Variants in FBXO34 observed in about 807,000 individuals in gnomAD.
FBXO34 encodes the protein F-box only protein 34.
FBXO34 carries 12 observed loss-of-function variants against 24.5 expected under a neutral mutation model. That is an observed-to-expected ratio of 0.49 (90% confidence interval 0.31 to 0.79). The LOEUF (loss-of-function observed/expected upper bound fraction) is 0.79, where lower values mean the gene tolerates loss of function less well. Ranked by LOEUF, FBXO34 falls within the 30% of genes least tolerant of loss-of-function variation. The probability of loss-of-function intolerance (pLI) is 0.04; values close to 1 mark genes in which losing one functional copy is unlikely to be tolerated. For missense variants in FBXO34, 823 were observed against 857.7 expected (o/e 0.96, Z 0.51); for synonymous variants, 320 against 311.9 (o/e 1.03, Z -0.27).
At chr14:55,441,089 AC>A in the FBXO34 span, among the ~76,000 whole-genome samples, 1 of 151,768 alleles carries the variant, frequency 6.6e-6, no homozygotes, top group African/African-American at 2.4e-5. Flanking sequence ...CAGGTGATCC[AC>A]CCGCCTCGGC....
intron 1 of FBXO34, among the ~76,000 whole-genome samples, chr14:55,277,138 C>T (rs972473148): frequency 1.3e-5 from 2 of 152,212 alleles, no homozygotes; most frequent in Non-Finnish European, 2.9e-5. Flanking sequence ...AAGTTCCTTC[C>T]TGCACCTTCT....
chr14:55,323,270 T>C (rs1883227914), intron 1 of FBXO34, among the ~76,000 whole-genome samples: 1 of 136,990 alleles, frequency 7.3e-6, no homozygotes, highest in Non-Finnish European at 1.5e-5. Context: ...CTCACTTATG[T>C]TGCCCAAGCT....
At chr14:55,433,606 G>C in the FBXO34 span, 3 of 1,591,978 alleles carry the variant, frequency 1.9e-6, no homozygotes, top group African/African-American at 4.0e-5. Context: ...TCTCTGGTAG[G>C]GGTGGAGGGA....
chr14:55,420,885 C>CCG, the FBXO34 span, among the ~76,000 whole-genome samples: 6 of 151,748 alleles, frequency 4.0e-5, no homozygotes, highest in Non-Finnish European at 7.4e-5. Flanking sequence ...CGGTGAAACC[C>CCG]CGTCTCTACT....
At chr14:55,319,780 A>G (rs1470076540) in intron 1 of FBXO34, among the ~76,000 whole-genome samples, 1 of 152,104 alleles carries the variant, frequency 6.6e-6, no homozygotes, top group Non-Finnish European at 1.5e-5. Context: ...GGTTTACGCC[A>G]TTCTCCTGCC....
At chr14:55,394,075 C>T in the FBXO34 span, among the ~76,000 whole-genome samples, 1 of 149,494 alleles carries the variant, frequency 6.7e-6, no homozygotes, top group Non-Finnish European at 1.5e-5. Context: ...GGCGCAATCT[C>T]GGCTCACTGT....
chr14:55,308,116 C>T (rs1225277468), intron 1 of FBXO34, among the ~76,000 whole-genome samples: 3 of 152,186 alleles, frequency 2.0e-5, no homozygotes, highest in Non-Finnish European at 4.4e-5. Flanking sequence ...ACCTCATTCA[C>T]CTGCTATGAT....
chr14:55,382,298 G>T, the FBXO34 span: 1 of 873,380 alleles, frequency 1.1e-6, no homozygotes, highest in Non-Finnish European at 1.8e-6. Flanking sequence ...TATGAGCACA[G>T]AAATTTTACA....
the FBXO34 span, among the ~76,000 whole-genome samples, chr14:55,381,150 C>T: frequency 1.3e-5 from 2 of 152,154 alleles, no homozygotes; most frequent in Non-Finnish European, 2.9e-5. Flanking sequence ...CATTTACTTG[C>T]TTCCTACCTT....
At chr14:55,313,101 C>G (rs1420186068) in intron 1 of FBXO34, among the ~76,000 whole-genome samples, 2 of 152,158 alleles carry the variant, frequency 1.3e-5, no homozygotes, top group East Asian at 3.8e-4. Flanking sequence ...GAACTGAATG[C>G]TTTTAAGAGC....
Position 55,353,093 on chromosome 14 carries a change from A to G in FBXO34, c.*567A>G, listed in dbSNP as rs185805973. The G allele has an allele frequency of 1.8e-3, 302 of 168,256 alleles. 2 individuals are homozygous for G. The highest frequency in any genetic ancestry group is 3.7e-3 in the Non-Finnish European group (257 of 68,932). The allele number at this position is 168,256 out of a possible 1,614,324, so 10.4% of individuals were successfully genotyped here. A position where few individuals can be genotyped will look rare whatever the true frequency, so the allele number is the denominator to read the frequency against. ...GCCCTGTGGTGTTTACAGTGTATAT[A>G]ATGGTTGTGTTTTCATGGGGCTATG... On this transcript the variant is annotated 3_prime_UTR_variant, in exon 2 of 2. Transcript: ENST00000313833.
chr14:55,329,342 C>T (rs1041909095), intron 1 of FBXO34, among the ~76,000 whole-genome samples: 1 of 151,978 alleles, frequency 6.6e-6, no homozygotes, highest in African/African-American at 2.4e-5. Context: ...TGAGATCAGA[C>T]ATCTTTAGAA....
At chr14:55,363,391 G>A (rs1174248092), downstream of FBXO34, among the ~76,000 whole-genome samples, 3 of 151,142 alleles carry the variant, frequency 2.0e-5, no homozygotes, top group East Asian at 5.9e-4. Context: ...GCAGTGGCAT[G>A]ATCTTGGCTC....
the FBXO34 span, among the ~76,000 whole-genome samples, chr14:55,385,091 C>T: frequency 6.6e-6 from 1 of 152,138 alleles, no homozygotes; most frequent in East Asian, 1.9e-4. Context: ...AAAGGCTAAG[C>T]CAACATGTAG....
chr14:55,332,228 T>G (rs1028200883), intron 1 of FBXO34, among the ~76,000 whole-genome samples: 1 of 151,806 alleles, frequency 6.6e-6, no homozygotes. Flanking sequence ...TGCTAGCACA[T>G]TGGAGCATAG....
At chr14:55,338,925 A>C (rs59724890) in intron 1 of FBXO34, among the ~76,000 whole-genome samples, 964 of 73,552 alleles carry the variant, frequency 0.013, 7 homozygotes, top group African/African-American at 0.032. Context: ...AAAAAACAAA[A>C]AAAAAAAAGC....
chr14:55,324,431 G>A (rs576808837), intron 1 of FBXO34, among the ~76,000 whole-genome samples: 41 of 150,596 alleles, frequency 2.7e-4, no homozygotes, highest in Non-Finnish European at 5.5e-4. Flanking sequence ...AGATCTTTTG[G>A]GTATATACCT....
At chr14:55,438,790 C>T in the FBXO34 span, 2 of 152,098 alleles carry the variant, frequency 1.3e-5, no homozygotes, top group South Asian at 2.1e-4. Flanking sequence ...ACTGTATCCA[C>T]TTACCTTTCT....
At chr14:55,382,045 C>G in the FBXO34 span, 1 of 1,614,100 alleles carries the variant, frequency 6.2e-7, no homozygotes, top group Non-Finnish European at 8.5e-7. Flanking sequence ...AATCCAAGGC[C>G]CTGTAATGCT....
Sources: gnomAD v4.1 joint callset for allele counts (sites outside exome capture counted in the v4.1 genomes callset) on GRCh38, gnomAD v4.1.1 for gene constraint, MANE v1.5 for transcripts, NCBI Gene and HGNC (gene_info 2026-07-23, HGNC 2026-07-21) for gene names.